The following ROBO1 variants were observed in gnomAD, a reference collection of about 807,000 sequenced individuals.
ROBO1 encodes roundabout homolog 1.
A neutral mutation model predicts 195.9 loss-of-function variants in ROBO1; 149 were observed. The observed-to-expected ratio is 0.76, with a 90% CI of 0.67 to 0.87. ROBO1 has a LOEUF of 0.87. Among genes scored for constraint, ROBO1 ranks in the 40% least tolerant of loss-of-function variants. The probability of loss-of-function intolerance (pLI) is 0.00; values close to 1 mark genes in which losing one functional copy is unlikely to be tolerated. For missense variants in ROBO1, 1,933 were observed against 2,068.3 expected (o/e 0.93, Z 1.27); for synonymous variants, 816 against 733.2 (o/e 1.11, Z -1.82).
At chr3:79,418,189 A>G (rs1239641051) in intron 2 of ROBO1, among the ~76,000 whole-genome samples, 1 of 152,166 alleles carries the variant, frequency 6.6e-6, no homozygotes, top group Non-Finnish European at 1.5e-5. Flanking sequence ...TATCTCTGGT[A>G]CCTGCACTGG....
intron 3 of ROBO1, chr3:79,018,333 T>C: frequency 6.3e-7 from 1 of 1,575,766 alleles, no homozygotes; most frequent in Non-Finnish European, 8.7e-7. Flanking sequence ...AATACACTTC[T>C]GGGTTTGATC....
At chr3:78,723,122 T>C (rs1169115902) in intron 5 of ROBO1, among the ~76,000 whole-genome samples, 1 of 152,174 alleles carries the variant, frequency 6.6e-6, no homozygotes, top group African/African-American at 2.4e-5. Context: ...TCCCATAAGA[T>C]GATAATGGAG....
At chr3:79,201,164 T>G (rs538716887) in intron 2 of ROBO1, among the ~76,000 whole-genome samples, 10 of 152,006 alleles carry the variant, frequency 6.6e-5, no homozygotes, top group Non-Finnish European at 1.2e-4. Context: ...AACCATCTAA[T>G]AGTTTTCTGT....
At chr3:78,735,956 C>A (rs188396054) in intron 5 of ROBO1, among the ~76,000 whole-genome samples, 10 of 152,156 alleles carry the variant, frequency 6.6e-5, no homozygotes, top group African/African-American at 2.2e-4. Context: ...AAGGACCTTG[C>A]CTATTCACAA....
intron 10 of ROBO1, among the ~76,000 whole-genome samples, chr3:78,684,778 C>A (rs2081015424): frequency 6.6e-6 from 1 of 152,034 alleles, no homozygotes; most frequent in Non-Finnish European, 1.5e-5. Flanking sequence ...AAAGCAACTG[C>A]TATTATATTG....
chr3:79,745,270 A>G (rs1039616317), intron 1 of ROBO1, among the ~76,000 whole-genome samples: 1 of 152,234 alleles, frequency 6.6e-6, no homozygotes, highest in Non-Finnish European at 1.5e-5. Context: ...TGTAACATCT[A>G]AATAGAATAC....
At chr3:78,943,438 T>C (rs995496982) in intron 3 of ROBO1, among the ~76,000 whole-genome samples, 2 of 152,168 alleles carry the variant, frequency 1.3e-5, no homozygotes, top group Non-Finnish European at 2.9e-5. Flanking sequence ...GTTTTTACCA[T>C]GATGTTTGTA....
At chr3:79,053,530 C>G (rs761547136) in intron 3 of ROBO1, among the ~76,000 whole-genome samples, 41 of 151,980 alleles carry the variant, frequency 2.7e-4, no homozygotes, top group Non-Finnish European at 4.4e-4. Context: ...GGCCCTCCCC[C>G]ATCCACTTCA....
Position 78,981,788 on chromosome 3 carries a change from A to AACACAC in ROBO1, c.173-42867_173-42862dup, listed in dbSNP as rs375186931. On this transcript the variant is annotated intron_variant, in intron 3 of 30. Transcript: ENST00000464233. ...CCGCTCCCATCCCCTGGCCCCTGCC[A>AACACAC]ACACACACACACACACACACACACA... Among the ~76,000 whole-genome samples the AACACAC allele has an allele frequency of 7.0e-3, 985 of 140,742 alleles. 4 individuals are homozygous for AACACAC. Among genetic ancestry groups the AACACAC allele is most frequent in the African/African-American group, 0.013 (507 of 38,016 alleles). The allele number at this position is 140,742 out of a possible 152,430, so 92.3% of individuals were successfully genotyped here. A position where few individuals can be genotyped will look rare whatever the true frequency, so the allele number is the denominator to read the frequency against.
intron 2 of ROBO1, among the ~76,000 whole-genome samples, chr3:79,358,018 G>T (rs938930935): frequency 6.6e-6 from 1 of 152,050 alleles, no homozygotes; most frequent in Non-Finnish European, 1.5e-5. Context: ...CTGATGGTGT[G>T]TTTTTTAGGT....
At chr3:78,894,078 TGAAAA>T (rs1166631290) in intron 4 of ROBO1, among the ~76,000 whole-genome samples, 2 of 152,112 alleles carry the variant, frequency 1.3e-5, no homozygotes, top group Non-Finnish European at 2.9e-5. Flanking sequence ...TGGCTGAAAA[TGAAAA>T]GAATTTAGTT....
At chr3:78,860,326 A>ATATATATATATATATATATATTT (rs376853384) in intron 4 of ROBO1, among the ~76,000 whole-genome samples, 53 of 93,500 alleles carry the variant, frequency 5.7e-4, no homozygotes, top group African/African-American at 2.1e-3. Context: ...ATATATATAT[A>ATATATATATATATATATATATTT]TTTTTTTTTT....
intron 1 of ROBO1, among the ~76,000 whole-genome samples, chr3:79,679,396 T>C (rs1946878249): frequency 6.6e-6 from 1 of 152,048 alleles, no homozygotes. Flanking sequence ...TTATTTCAAG[T>C]ATTCTCTTAC....
At position 78,597,978 on chromosome 3, in the gene ROBO1, T is replaced by G. The variant is rs1464707789; in HGVS notation, c.*935A>C. Reference sequence around the variant, plus strand: ...AAAAAAAAAAAAAAAGAGAGAGAGATTAAAAACAGTGCATTACAAAAACAA... The same window carrying G: ...AAAAAAAAAAAAAAAGAGAGAGAGAGTAAAAACAGTGCATTACAAAAACAA... On this transcript the variant is annotated 3_prime_UTR_variant, in exon 31 of 31. Transcript: ENST00000464233. 1 of 147,322 alleles carries G rather than the reference T, an allele frequency of 6.8e-6. No homozygotes were observed. Among genetic ancestry groups the G allele is most frequent in the South Asian group, 2.1e-4 (1 of 4,750 alleles). The allele number at this position is 147,322 out of a possible 1,614,324, so 9.1% of individuals were successfully genotyped here. A position where few individuals can be genotyped will look rare whatever the true frequency, so the allele number is the denominator to read the frequency against.
chr3:79,344,153 G>A (rs2035017882), intron 2 of ROBO1, among the ~76,000 whole-genome samples: 2 of 152,134 alleles, frequency 1.3e-5, no homozygotes, highest in Admixed American at 1.3e-4. Context: ...TAAAATAATA[G>A]ACTTGTATGC....
chr3:79,441,716 G>GA (rs2039060688), intron 2 of ROBO1, among the ~76,000 whole-genome samples: 3 of 151,740 alleles, frequency 2.0e-5, no homozygotes, highest in East Asian at 1.9e-4. Context: ...TGTGTCAAAG[G>GA]AAAAAAACGA....
chr3:79,009,310 G>A (rs1440939552), intron 3 of ROBO1, among the ~76,000 whole-genome samples: 1 of 151,766 alleles, frequency 6.6e-6, no homozygotes, highest in Non-Finnish European at 1.5e-5. Flanking sequence ...CTCAAATAAG[G>A]GAAGGTTTTA....
intron 4 of ROBO1, among the ~76,000 whole-genome samples, chr3:78,770,258 T>C (rs2083338558): frequency 6.6e-6 from 1 of 152,142 alleles, no homozygotes; most frequent in African/African-American, 2.4e-5. Flanking sequence ...ACTTCTAGTA[T>C]TTCCTATTCT....
chr3:79,174,440 T>TG (rs1390158921), intron 2 of ROBO1, among the ~76,000 whole-genome samples: 2 of 151,984 alleles, frequency 1.3e-5, no homozygotes, highest in Admixed American at 6.6e-5. Context: ...ACTCCGGACA[T>TG]GCGGCCTTTA....
Sources: gnomAD v4.1 joint callset for allele counts (sites outside exome capture counted in the v4.1 genomes callset) on GRCh38, gnomAD v4.1.1 for gene constraint, MANE v1.5 for transcripts, NCBI Gene and HGNC (gene_info 2026-07-23, HGNC 2026-07-21) for gene names.